Variants in CXorf66 observed in about 807,000 individuals in gnomAD.
The protein encoded by CXorf66 is uncharacterized protein CXorf66.
Under a neutral mutation model 5.0 loss-of-function variants are expected in CXorf66, and 6 were observed. That is an observed-to-expected ratio of 1.20 (90% CI 0.65 to 2.36). The LOEUF is 2.36. Ranked by LOEUF, CXorf66 falls within the 30% of genes most tolerant of loss-of-function variation. CXorf66 has a pLI of 0.00. For missense variants in CXorf66, 270 were observed against 254.9 expected (o/e 1.06, Z -0.40); for synonymous variants, 98 against 102.8 (o/e 0.95, Z 0.28).
At chrX:139,958,845 C>T (rs1223623881) in intron 1 of CXorf66, among the ~76,000 whole-genome samples, 1 of 112,329 alleles carries the variant, frequency 8.9e-6, no homozygotes, top group Non-Finnish European at 1.9e-5. Flanking sequence ...GGGCCTCCTT[C>T]TCCCAGCCAA....
intron 1 of CXorf66, among the ~76,000 whole-genome samples, chrX:139,961,105 T>C (rs2085591791): frequency 8.9e-6 from 1 of 111,932 alleles, no homozygotes; most frequent in Middle Eastern, 4.7e-3. Flanking sequence ...GTAAATGGTC[T>C]AAATGCTCCA....
chrX:139,959,027 T>C (rs1053995667), intron 1 of CXorf66, among the ~76,000 whole-genome samples: 49 of 111,691 alleles, frequency 4.4e-4, no homozygotes, highest in African/African-American at 1.5e-3. Flanking sequence ...GTAGCAGTTT[T>C]TTTTCCCCCC....
intron 1 of CXorf66, among the ~76,000 whole-genome samples, chrX:139,962,408 T>A (rs1000635460): frequency 9.0e-6 from 1 of 110,787 alleles, no homozygotes; most frequent in Admixed American, 9.7e-5. Context: ...CAATAACAAG[T>A]TCTGAAATTG....
rs772599287 is a variant in CXorf66 at position 139,956,362 on chromosome X, A to G, written c.620T>C (p.Val207Ala). The G allele has an allele frequency of 1.2e-5, 15 of 1,210,278 alleles. No individual in the cohort carries two copies. Among genetic ancestry groups the G allele is most frequent in the Non-Finnish European group, 1.7e-5 (15 of 895,353 alleles). ...TGGCTTGAATAGCTGAGGTGGCCTG[A>G]CTGGCTTATCTGAACTGGCTAGCTT... Reference protein sequence around the residue: ...ACKLASSDKPVRPPQLFKPLY... With the variant: ...ACKLASSDKPARPPQLFKPLY... The change falls in exon 3 of 3, where the codon GTC becomes GCC. Residue 207 changes from valine (V) to alanine (A), a missense_variant. Physicochemically the swap from Val to Ala is moderately conservative, Grantham distance 64. Transcript: ENST00000370540.
At chrX:139,964,441 G>C (rs762044361) in intron 1 of CXorf66, among the ~76,000 whole-genome samples, 22 of 111,377 alleles carry the variant, frequency 2.0e-4, no homozygotes, top group Non-Finnish European at 4.0e-4. Context: ...AGGAGAAATA[G>C]GAACGCTTTT....
At chrX:139,961,319 C>A (rs1234825254) in intron 1 of CXorf66, among the ~76,000 whole-genome samples, 2 of 111,214 alleles carry the variant, frequency 1.8e-5, no homozygotes, top group African/African-American at 6.5e-5. Context: ...CAACAAAGAT[C>A]AAAAAAGACA....
Position 139,956,036 on chromosome X carries a change from T to C in CXorf66, c.946A>G (p.Arg316Gly). Residue 316 changes from arginine (R) to glycine (G), a missense_variant, in exon 3 of 3, where the codon AGG becomes GGG. Arg to Gly is a moderately radical substitution (Grantham distance 125). Coordinates refer to ENST00000370540, the MANE Select transcript of CXorf66 (RefSeq NM_001013403.3). ...ACATGATCACCGTATGCATTGTTCC[T>C]GGAATCTAACTTACGAAAGGACCTG... is the stretch of plus-strand genomic sequence containing the variant. Reference protein sequence around the residue: ...SSRSFRKLDSRNNAYGDHVND... With the variant: ...SSRSFRKLDSGNNAYGDHVND... 8.3e-7 allele frequency: 1 copy of C among 1,211,456 alleles called. No individual in the cohort carries two copies. The highest frequency in any genetic ancestry group is 1.1e-6 in the Non-Finnish European group (1 of 895,048).
At position 139,964,704 on chromosome X, in the gene CXorf66, C is replaced by T. The variant is rs192896738; in HGVS notation, c.88+705G>A. On this transcript the variant is annotated intron_variant, in intron 1 of 2. Coordinates refer to ENST00000370540, the MANE Select transcript of CXorf66 (RefSeq NM_001013403.3). ...TAGACTGGTTTAAGAAAATGTGGCA[C>T]ATATACACCATGGAATACTATGCAG... is the stretch of plus-strand genomic sequence containing the variant. Among the ~76,000 whole-genome samples the T allele has an allele frequency of 1.4e-3, 152 of 111,739 alleles. 1 individual carries two copies. Among genetic ancestry groups the T allele is most frequent in the African/African-American group, 4.7e-3 (146 of 30,791 alleles).
chrX:139,963,532 T>G (rs2085602293), intron 1 of CXorf66, among the ~76,000 whole-genome samples: 1 of 112,106 alleles, frequency 8.9e-6, no homozygotes. Flanking sequence ...AAGCTACCAC[T>G]GACTTTCTTC....
chrX:139,956,326 G>T lies in CXorf66; in HGVS notation c.656C>A (p.Ser219Tyr). 1 of 1,211,521 alleles carries T rather than the reference G, an allele frequency of 8.3e-7. No homozygotes were observed. The highest frequency in any genetic ancestry group is 1.1e-6 in the Non-Finnish European group (1 of 895,213). ...TGGTGAGATTTCATTTTGTGGATGA[G>T]ATGAATAAAGTGGCTTGAATAGCTG... ...PPQLFKPLYS[S>Y]HPQNEISPSK... The change falls in exon 3 of 3, where the codon TCT (serine) becomes TAT (tyrosine). Residue 219 changes from serine to tyrosine, a missense_variant. By Grantham distance (144) the Ser-to-Tyr change is moderately radical. Coordinates refer to ENST00000370540, the MANE Select transcript of CXorf66 (RefSeq NM_001013403.3).
In CXorf66 at chrX:139,963,697, G is replaced by A. The variant is rs371285655; in HGVS notation, c.88+1712C>T. Among the ~76,000 whole-genome samples the A allele has an allele frequency of 1.3e-4, 11 of 86,130 alleles. No homozygotes were observed. The East Asian group carries it at 6.1e-3, about 48-fold the overall frequency. 74.8% of individuals were successfully genotyped at this position (86,130 alleles called of 115,157 possible). A position where few individuals can be genotyped will look rare whatever the true frequency, so the allele number is the denominator to read the frequency against. On this transcript the variant is annotated intron_variant, in intron 1 of 2. Transcript: ENST00000370540. ...GCTACAGTAACCAAAACAGTATGGT[G>A]CTGGTACCAAAACAGATACATAGAC...
Position 139,955,996 on chromosome X carries a change from G to T in CXorf66, c.986C>A (p.Thr329Lys). 8.3e-7 allele frequency: 1 copy of T among 1,209,753 alleles called. No homozygotes were observed. Among genetic ancestry groups the T allele is most frequent in the Non-Finnish European group, 1.1e-6 (1 of 894,028 alleles). Reference protein sequence around the residue: ...AYGDHVNDSDTMKYYSEVDSD... With the variant: ...AYGDHVNDSDKMKYYSEVDSD... ...GTCAACCTCACTATAATATTTCATC[G>T]TATCACTGTCATTCACATGATCACC... Residue 329 changes from threonine (T) to lysine (K), a missense_variant, in exon 3 of 3, where the codon ACG becomes AAG. Transcript: ENST00000370540.
rs2085572592 is a variant in CXorf66 at position 139,956,265 on chromosome X, AG to A, written c.716del (p.Pro239LeufsTer11). On this transcript the variant is annotated frameshift_variant, in exon 3 of 3. Transcript: ENST00000370540. LOFTEE classifies it low-confidence loss of function (END_TRUNC). ...ACCTTTTTGGATTAAAATGTTTGGGAGGCTTAGCCAATTCCTGTGGACCGAA... is the reference window on the plus strand; with the variant it reads ...ACCTTTTTGGATTAAAATGTTTGGGAGCTTAGCCAATTCCTGTGGACCGAA... ...KPFGPQELAK[P>X]PKHFNPKRSV... The A allele has an allele frequency of 8.3e-7, 1 of 1,211,792 alleles. No homozygotes were observed. The highest frequency in any genetic ancestry group is 1.1e-6 in the Non-Finnish European group (1 of 895,513).
intron 1 of CXorf66, among the ~76,000 whole-genome samples, chrX:139,961,496 C>A (rs1360944311): frequency 8.9e-6 from 1 of 111,812 alleles, no homozygotes; most frequent in Non-Finnish European, 1.9e-5. Flanking sequence ...ACTTTAACAT[C>A]CCACTGTCAA....
intron 1 of CXorf66, among the ~76,000 whole-genome samples, chrX:139,962,661 C>T (rs2085597361): frequency 1.8e-5 from 2 of 111,853 alleles, no homozygotes; most frequent in African/African-American, 6.5e-5. Flanking sequence ...AACATTGATG[C>T]TAAAATTCTC....
chrX:139,956,531 T>C lies in CXorf66; in HGVS notation c.451A>G (p.Ser151Gly), dbSNP rs760029472. Residue 151 changes from serine to glycine, a missense_variant, in exon 3 of 3, where the codon AGT becomes GGT. Transcript: ENST00000370540. The part of the protein sequence containing the change: ...SSLQKPSIPN[S>G]AGKLTRPSYP... ...GATGGCCTAGTTAACTTTCCTGCAC[T>C]GTTTGGTATGGATGGCTTTTGTAGA... The C allele has an allele frequency of 8.3e-7, 1 of 1,209,930 alleles. No individual in the cohort carries two copies. The highest frequency in any genetic ancestry group is 1.8e-5 in the South Asian group (1 of 56,836).
intron 1 of CXorf66, among the ~76,000 whole-genome samples, chrX:139,964,780 G>A (rs1026488813): frequency 9.0e-5 from 10 of 111,137 alleles, no homozygotes; most frequent in African/African-American, 2.6e-4. Context: ...GGTAAAGCTG[G>A]AAACCATCAT....
In CXorf66 at chrX:139,958,100, T is replaced by A. The variant is rs1358180728; in HGVS notation, c.206A>T (p.Tyr69Phe). Residue 69 changes from tyrosine (Y) to phenylalanine (F), a missense_variant, in exon 2 of 3, where the codon TAT becomes TTT. Coordinates refer to ENST00000370540, the MANE Select transcript of CXorf66 (RefSeq NM_001013403.3). ...FVFICFCYLH[Y>F]NCLSDDASKA... ...GGACGCATCATCGCTCAGACAATTATAATGGAGATAACAAAAACAGATAAA... is the reference window on the plus strand; with the variant it reads ...GGACGCATCATCGCTCAGACAATTAAAATGGAGATAACAAAAACAGATAAA... 8.3e-7 allele frequency: 1 copy of A among 1,203,102 alleles called. No homozygotes were observed. The highest frequency in any genetic ancestry group is 1.1e-6 in the Non-Finnish European group (1 of 892,883).
In CXorf66 at chrX:139,958,532, G is replaced by T. The variant is rs191542461; in HGVS notation, c.89-315C>A. On this transcript the variant is annotated intron_variant, in intron 1 of 2. Coordinates refer to ENST00000370540, the MANE Select transcript of CXorf66 (RefSeq NM_001013403.3). ...TAAGTGTACTTGAGTGTTAACGTGT[G>T]TGTGAATGTGTGTGTGTAATTGAAA... Among the ~76,000 whole-genome samples the T allele has an allele frequency of 3.0e-3, 335 of 111,436 alleles. 1 individual carries two copies. The highest frequency in any genetic ancestry group is 3.8e-3 in the Non-Finnish European group (200 of 53,097).
Sources: allele counts gnomAD v4.1 joint callset (sites outside exome capture counted in the v4.1 genomes callset), GRCh38; gene constraint gnomAD v4.1.1; transcripts MANE v1.5; gene names NCBI Gene and HGNC (gene_info 2026-07-23, HGNC 2026-07-21).